The following PCDHA10 variants were observed in gnomAD, a reference collection of about 807,000 sequenced individuals.
The protein encoded by PCDHA10 is protocadherin alpha 10.
Under a neutral mutation model 61.2 loss-of-function variants are expected in PCDHA10, and 45 were observed. That is an observed-to-expected ratio of 0.74 (90% confidence interval 0.58 to 0.94). The LOEUF is 0.94. Ranked by LOEUF, PCDHA10 falls within the 40% of genes least tolerant of loss-of-function variation. The pLI is 0.00. For missense variants in PCDHA10, 1,278 were observed against 1,236.2 expected (o/e 1.03, Z -0.51); for synonymous variants, 602 against 548.8 (o/e 1.10, Z -1.35).
chr5:140,945,689 T>G (rs529270613), intron 1 of PCDHA10, among the ~76,000 whole-genome samples: 30 of 152,170 alleles, frequency 2.0e-4, no homozygotes, highest in African/African-American at 7.0e-4. Context: ...ACAGTTACTG[T>G]CCACTGATTT....
chr5:140,859,256 G>C lies in PCDHA10; in HGVS notation c.2388+820G>C, dbSNP rs182882850. On this transcript the variant is annotated intron_variant, in intron 1 of 3. Transcript: ENST00000307360. Reference sequence around the variant, plus strand: ...TCATGCTTATGTTTAATAATGAAGAGAATTTGAACACTTTTTACTTTTGAG... The same window carrying C: ...TCATGCTTATGTTTAATAATGAAGACAATTTGAACACTTTTTACTTTTGAG... 3 of 131,348 alleles carry C rather than the reference G, an allele frequency of 2.3e-5. 1 individual carries two copies. The highest frequency in any genetic ancestry group is 5.3e-5 in the Non-Finnish European group (3 of 56,988). The allele number at this position is 131,348 out of a possible 1,614,324, so 8.1% of individuals were successfully genotyped here.
chr5:140,962,806 A>G (rs2095710017), intron 1 of PCDHA10, among the ~76,000 whole-genome samples: 1 of 152,204 alleles, frequency 6.6e-6, no homozygotes, highest in Admixed American at 6.5e-5. Context: ...ACAACTCTAA[A>G]CATCAGAGAT....
At chr5:140,967,207 T>G (rs376266648) in intron 1 of PCDHA10, 16 of 1,613,648 alleles carry the variant, frequency 9.9e-6, no homozygotes, top group Non-Finnish European at 1.1e-5. Flanking sequence ...ACTCACCGCG[T>G]TTCCCGCGGC....
chr5:140,932,351 A>C (rs1401387848), intron 1 of PCDHA10, among the ~76,000 whole-genome samples: 1 of 151,920 alleles, frequency 6.6e-6, no homozygotes, highest in Non-Finnish European at 1.5e-5. Flanking sequence ...TTACCATACA[A>C]CTGGCCTTAT....
intron 1 of PCDHA10, among the ~76,000 whole-genome samples, chr5:140,921,661 A>C (rs1554200347): frequency 1.3e-5 from 2 of 152,226 alleles, no homozygotes; most frequent in African/African-American, 4.8e-5. Context: ...CTTAATAAAA[A>C]TTTAACAGTT....
In PCDHA10 at chr5:140,883,501, C is replaced by A. The variant is rs570168326; in HGVS notation, c.2388+25065C>A. On this transcript the variant is annotated intron_variant, in intron 1 of 3. Transcript: ENST00000307360. ...ACTACTACTCATTAGTGCTGGACAGCGCCCTGGACCGCGAGAGCGTATCAG... is the reference window on the plus strand; with the variant it reads ...ACTACTACTCATTAGTGCTGGACAGAGCCCTGGACCGCGAGAGCGTATCAG... 3.7e-6 allele frequency: 6 copies of A among 1,614,194 alleles called. No homozygotes were observed. In the Admixed American group the frequency reaches 8.3e-5, roughly 22 times the overall value.
intron 1 of PCDHA10, among the ~76,000 whole-genome samples, chr5:140,911,305 T>C (rs1036239500): frequency 1.3e-5 from 2 of 152,186 alleles, no homozygotes; most frequent in Non-Finnish European, 2.9e-5. Context: ...CATATCCCCA[T>C]TCCAAGTTTC....
At chr5:140,927,130 C>T (rs1554204065) in intron 1 of PCDHA10, 6 of 1,614,032 alleles carry the variant, frequency 3.7e-6, no homozygotes, top group African/African-American at 1.3e-5. Flanking sequence ...GGTCAGAGAG[C>T]CGGCGGACCG....
At chr5:140,967,593 T>C (rs2096161783) in intron 1 of PCDHA10, 2 of 1,614,078 alleles carry the variant, frequency 1.2e-6, no homozygotes, top group Non-Finnish European at 1.7e-6. Context: ...GGCACATTGG[T>C]GGTGAAGCTG....
intron 1 of PCDHA10, among the ~76,000 whole-genome samples, chr5:140,952,804 C>T (rs191550367): frequency 2.6e-5 from 4 of 152,282 alleles, no homozygotes; most frequent in Non-Finnish European, 5.9e-5. Flanking sequence ...GCTCGCAGTT[C>T]TGCAGGCTGT....
At chr5:140,887,612 G>A (rs2061514716) in intron 1 of PCDHA10, among the ~76,000 whole-genome samples, 1 of 151,760 alleles carries the variant, frequency 6.6e-6, no homozygotes, top group East Asian at 1.9e-4. Flanking sequence ...GCTTTAGTAT[G>A]GTTTTCTTTA....
At chr5:140,865,116 G>T (rs2048743320) in intron 1 of PCDHA10, 1 of 152,144 alleles carries the variant, frequency 6.6e-6, no homozygotes, top group Non-Finnish European at 1.5e-5. Flanking sequence ...GACAATTGTG[G>T]TGTTAATTAT....
intron 1 of PCDHA10, among the ~76,000 whole-genome samples, chr5:140,957,750 TGTTCATTATATATGTTAAGTAAAAACTAA>T (rs1477515057): frequency 6.6e-6 from 1 of 152,128 alleles, no homozygotes; most frequent in African/African-American, 2.4e-5. Context: ...CATGAAAGGA[TGTTCATTATATATGTTAAGTAAAAACTAA>T]GTTCATCATA....
At chr5:140,997,466 T>G (rs2097771241) in intron 3 of PCDHA10, among the ~76,000 whole-genome samples, 2 of 152,186 alleles carry the variant, frequency 1.3e-5, no homozygotes, top group Admixed American at 1.3e-4. Context: ...CTGTAGGCAA[T>G]TTTTACACAA....
chr5:140,928,792 G>T (rs1190569981), intron 1 of PCDHA10: 1 of 1,614,048 alleles, frequency 6.2e-7, no homozygotes, highest in African/African-American at 1.3e-5. Context: ...TAAGCAGAGG[G>T]TGGTGGTAGT....
At chr5:140,908,895 G>A (rs1381470212) in intron 1 of PCDHA10, among the ~76,000 whole-genome samples, 1 of 152,158 alleles carries the variant, frequency 6.6e-6, no homozygotes, top group Non-Finnish European at 1.5e-5. Flanking sequence ...TCCCAAATAA[G>A]CCTCTTTCGT....
intron 1 of PCDHA10, among the ~76,000 whole-genome samples, chr5:140,901,699 A>G (rs1373176124): frequency 6.6e-6 from 1 of 152,124 alleles, no homozygotes; most frequent in East Asian, 1.9e-4. Context: ...TTGTAGTTCT[A>G]TATACATTTT....
chr5:140,999,032 C>T (rs2097843779), intron 3 of PCDHA10, among the ~76,000 whole-genome samples: 1 of 152,236 alleles, frequency 6.6e-6, no homozygotes, highest in South Asian at 2.1e-4. Flanking sequence ...TTTGATACTT[C>T]GTCCAGTGTG....
intron 1 of PCDHA10, among the ~76,000 whole-genome samples, chr5:140,978,010 T>G (rs2096785841): frequency 6.6e-6 from 1 of 152,156 alleles, no homozygotes; most frequent in African/African-American, 2.4e-5. Flanking sequence ...TTTTTCACAG[T>G]GACATTTTTG....
Sources: allele counts gnomAD v4.1 joint callset (sites outside exome capture counted in the v4.1 genomes callset), GRCh38; gene constraint gnomAD v4.1.1; transcripts MANE v1.5; gene names NCBI Gene and HGNC (gene_info 2026-07-23, HGNC 2026-07-21).